Variants in CDH22 observed in about 807,000 individuals in gnomAD.
The protein encoded by CDH22 is cadherin 22.
A neutral mutation model predicts 58.4 loss-of-function variants in CDH22; 30 were observed. The observed-to-expected ratio is 0.51, with a 90% CI of 0.38 to 0.70. The LOEUF (loss-of-function observed/expected upper bound fraction) is 0.70. CDH22 is among the 30% of genes least tolerant of loss of function. The pLI, the probability that CDH22 is intolerant of heterozygous loss-of-function variation, is 0.00. For missense variants in CDH22, 1,014 were observed against 1,233.9 expected (o/e 0.82, Z 2.67); for synonymous variants, 513 against 558.2 (o/e 0.92, Z 1.14).
chr20:46,218,702 G>A (rs77485151), intron 4 of CDH22, among the ~76,000 whole-genome samples: 1,686 of 152,182 alleles, frequency 0.011, 23 homozygotes, highest in African/African-American at 0.038. Flanking sequence ...AGCTAATCAC[G>A]GAGCAGACAG....
chr20:46,175,046 G>A lies in CDH22; in HGVS notation c.1947C>T (p.Arg649=), dbSNP rs765850097. 6.2e-6 allele frequency: 10 copies of A among 1,609,304 alleles called. No homozygotes were observed. Among genetic ancestry groups the A allele is most frequent in the Non-Finnish European group, 8.5e-6 (10 of 1,179,234 alleles). The change falls in exon 12 of 12, where the codon CGC becomes CGT. Residue 649 remains arginine (R), a synonymous_variant. Transcript: ENST00000537909. ...CCGAGCTCAGGTGGCTCTTGTGGTG[G>A]CGCCTGAGGGTGAGGATCAGCAGCA... ...VLVLLILTLR[R]HHKSHLSSDE...
At chr20:46,225,960 C>G (rs1414789780) in intron 4 of CDH22, among the ~76,000 whole-genome samples, 2 of 152,048 alleles carry the variant, frequency 1.3e-5, no homozygotes, top group South Asian at 2.1e-4. Flanking sequence ...AACAGACAAA[C>G]AAAAACCCAA....
intron 1 of CDH22, among the ~76,000 whole-genome samples, chr20:46,253,779 A>G (rs1427500460): frequency 1.3e-5 from 2 of 152,132 alleles, no homozygotes; most frequent in South Asian, 2.1e-4. Context: ...TCCAGGGCCC[A>G]TCACAGCCCT....
intron 1 of CDH22, among the ~76,000 whole-genome samples, chr20:46,270,528 G>C (rs1459173630): frequency 6.6e-6 from 1 of 152,184 alleles, no homozygotes; most frequent in Non-Finnish European, 1.5e-5. Context: ...GGCGAGACTG[G>C]CACCTTGTTC....
chr20:46,210,116 G>C lies in CDH22; in HGVS notation c.1286+191C>G. ...TGTCTCATTGACTGTTCTCACATCT[G>C]CTTCCTTGGCTCTTTGGCTCCGTGC... On this transcript the variant is annotated intron_variant, in intron 7 of 11. Coordinates refer to ENST00000537909, the MANE Select transcript of CDH22 (RefSeq NM_021248.3). The surrounding 1 kb of genome is among the most constrained non-coding windows in gnomAD (Gnocchi z 4.5). 1.9e-6 allele frequency: 1 copy of C among 515,610 alleles called. No homozygotes were observed. The highest frequency in any genetic ancestry group is 3.5e-5 in the South Asian group (1 of 28,798). 31.9% of individuals were successfully genotyped at this position (515,610 alleles called of 1,614,324 possible). A position where few individuals can be genotyped will look rare whatever the true frequency, so the allele number is the denominator to read the frequency against.
At chr20:46,186,550 G>T in intron 10 of CDH22, 38 bp downstream of exon 10, 2 of 1,384,714 alleles carry the variant, frequency 1.4e-6, no homozygotes, top group Non-Finnish European at 1.0e-6. Flanking sequence ...GGGAGACTGT[G>T]CCCCTCCCTT....
At position 46,197,295 on chromosome 20, in the gene CDH22, G is replaced by GATATAT. The variant is rs34730995; in HGVS notation, c.1423+2122_1423+2127dup. Among the ~76,000 whole-genome samples, 155 of 142,012 alleles carry GATATAT rather than the reference G, an allele frequency of 1.1e-3. 1 individual carries two copies. Among genetic ancestry groups the GATATAT allele is most frequent in the African/African-American group, 2.7e-3 (103 of 38,822 alleles). The allele number at this position is 142,012 out of a possible 152,430, so 93.2% of individuals were successfully genotyped here. On this transcript the variant is annotated intron_variant, in intron 8 of 11. Transcript: ENST00000537909. ...ATGTGCTGGAAAGCATCTAGGCCAG[G>GATATAT]ATATATATATATATATATATATACA... is the stretch of plus-strand genomic sequence containing the variant.
At chr20:46,252,335 C>T (rs1225320372) in intron 1 of CDH22, among the ~76,000 whole-genome samples, 1 of 152,188 alleles carries the variant, frequency 6.6e-6, no homozygotes, top group African/African-American at 2.4e-5. Context: ...GGTCACAACC[C>T]CTCTGAGCTT....
At chr20:46,214,199 GGAGGAGCA>G (rs1386449187) in intron 5 of CDH22, among the ~76,000 whole-genome samples, 1 of 152,182 alleles carries the variant, frequency 6.6e-6, no homozygotes, top group Non-Finnish European at 1.5e-5. Context: ...TGGCTGGAGG[GGAGGAGCA>G]GAGGGGAAAC....
chr20:46,214,631 A>G (rs1005098153), intron 5 of CDH22, among the ~76,000 whole-genome samples: 1 of 152,106 alleles, frequency 6.6e-6, no homozygotes, highest in Admixed American at 6.6e-5. Context: ...TGATTCTGCA[A>G]CTGACTCACT....
At chr20:46,233,213 C>G (rs1228176048) in intron 3 of CDH22, among the ~76,000 whole-genome samples, 1 of 152,116 alleles carries the variant, frequency 6.6e-6, no homozygotes, top group African/African-American at 2.4e-5. Context: ...GCACCTTCCT[C>G]CAGAGTCTCC....
At chr20:46,208,941 T>G (rs2086019973) in intron 7 of CDH22, among the ~76,000 whole-genome samples, 1 of 152,266 alleles carries the variant, frequency 6.6e-6, no homozygotes, top group African/African-American at 2.4e-5. Context: ...ACGTGTCCAC[T>G]GAGTGCTGAG....
intron 2 of CDH22, among the ~76,000 whole-genome samples, chr20:46,244,064 A>G (rs2086311251): frequency 6.6e-6 from 1 of 152,074 alleles, no homozygotes; most frequent in South Asian, 2.1e-4. Flanking sequence ...AGGTGTGGGG[A>G]GGATTAGATG....
At chr20:46,183,929 C>T (rs1347804613) in intron 10 of CDH22, among the ~76,000 whole-genome samples, 1 of 152,156 alleles carries the variant, frequency 6.6e-6, no homozygotes, top group Admixed American at 6.5e-5. Flanking sequence ...CATTCCTAAT[C>T]CACCCCAGTC....
chr20:46,202,568 T>C (rs889390806), intron 7 of CDH22, among the ~76,000 whole-genome samples: 2 of 152,102 alleles, frequency 1.3e-5, no homozygotes, highest in Non-Finnish European at 2.9e-5. Flanking sequence ...TTAGCCAGGA[T>C]GGTCTCAATC....
chr20:46,254,832 C>T (rs547412830), intron 1 of CDH22, among the ~76,000 whole-genome samples: 1 of 152,108 alleles, frequency 6.6e-6, no homozygotes, highest in South Asian at 2.1e-4. Flanking sequence ...CAAAATAGTT[C>T]CACACAGAGG....
intron 1 of CDH22, among the ~76,000 whole-genome samples, chr20:46,288,931 G>T (rs1330419715): frequency 6.6e-6 from 1 of 152,200 alleles, no homozygotes; most frequent in East Asian, 1.9e-4. Context: ...CAGTTATGGT[G>T]TTAAAACATA....
chr20:46,253,423 G>A (rs913198773), intron 1 of CDH22, among the ~76,000 whole-genome samples: 2 of 152,086 alleles, frequency 1.3e-5, no homozygotes, highest in African/African-American at 2.4e-5. Context: ...AGGGATGGAG[G>A]GAGGGGTCTG....
At chr20:46,204,417 A>G (rs2425774) in intron 7 of CDH22, among the ~76,000 whole-genome samples, 53,191 of 110,754 alleles carry the variant, frequency 0.48, 13,706 homozygotes, top group Non-Finnish European at 0.54. Context: ...AAAAAAAAAA[A>G]AGAGAGAGAG....
Sources: gnomAD v4.1 joint callset for allele counts (sites outside exome capture counted in the v4.1 genomes callset) on GRCh38, gnomAD v4.1.1 for gene constraint, Gnocchi (gnomAD v3.1) non-coding constraint, MANE v1.5 for transcripts, NCBI Gene and HGNC (gene_info 2026-07-23, HGNC 2026-07-21) for gene names.